Variants in FEZ1 observed in about 807,000 individuals in gnomAD.
FEZ1 encodes fasciculation and elongation protein zeta 1.
FEZ1 carries 20 observed loss-of-function variants against 49.3 expected under a neutral mutation model. The ratio of observed to expected loss-of-function variants is 0.41; its 90% CI spans 0.29 to 0.59. The LOEUF is 0.59. Ranked by LOEUF, FEZ1 falls within the 20% of genes least tolerant of loss-of-function variation. The pLI is 0.36. For synonymous variants in FEZ1, 170 were observed against 180.9 expected (o/e 0.94, Z 0.48); for missense variants, 413 against 476.0 (o/e 0.87, Z 1.23).
At chr11:125,471,686 T>C (rs572257186) in intron 3 of FEZ1, among the ~76,000 whole-genome samples, 2 of 152,226 alleles carry the variant, frequency 1.3e-5, no homozygotes, top group South Asian at 2.1e-4. Flanking sequence ...TTAATAAACC[T>C]TTCTCATTAA....
rs866342920 is a variant in FEZ1 at position 125,444,953 on chromosome 11, G to A, written c.*1142C>T. On this transcript the variant is annotated 3_prime_UTR_variant, in exon 10 of 10. Coordinates refer to ENST00000278919, the MANE Select transcript of FEZ1 (RefSeq NM_005103.5). ...CAGTGCAGGCTACAGCAAGTGCCCA[G>A]TACAAGTTTTTGCTTTCAGAGGAGG... Among the ~76,000 whole-genome samples, 6 of 152,234 alleles carry A rather than the reference G, an allele frequency of 3.9e-5. No homozygotes were observed. The highest frequency in any genetic ancestry group is 6.5e-5 in the Admixed American group (1 of 15,288).
At position 125,478,637 on chromosome 11, in the gene FEZ1, T is replaced by C. The variant is rs374618734; in HGVS notation, c.411+2897A>G. On this transcript the variant is annotated intron_variant, in intron 3 of 9. Coordinates refer to ENST00000278919, the MANE Select transcript of FEZ1 (RefSeq NM_005103.5). Reference sequence around the variant, plus strand: ...CAGTTAATAGAGCTCCTACTGTAATTAATCCAGATAATAAAAGAGGATGAA... The same window carrying C: ...CAGTTAATAGAGCTCCTACTGTAATCAATCCAGATAATAAAAGAGGATGAA... 4.6e-5 allele frequency among the ~76,000 whole-genome samples: 7 copies of C among 152,312 alleles called. No homozygotes were observed. In the South Asian group the frequency reaches 1.5e-3, roughly 32 times the overall value.
intron 1 of FEZ1, among the ~76,000 whole-genome samples, chr11:125,492,621 T>C (rs1038015838): frequency 7.2e-5 from 11 of 152,254 alleles, no homozygotes; most frequent in Non-Finnish European, 1.6e-4. Flanking sequence ...GTCCTGGTCC[T>C]GTCACTCCTA....
intron 5 of FEZ1, among the ~76,000 whole-genome samples, chr11:125,459,001 G>A (rs1957046026): frequency 6.6e-6 from 1 of 152,146 alleles, no homozygotes; most frequent in East Asian, 1.9e-4. Context: ...GGGAGGCGGA[G>A]GTTGCAGTGA....
rs142506500 is a variant in FEZ1, at chr11:125,444,054, C to A, written c.*2041G>T. Among the ~76,000 whole-genome samples, 1 of 152,336 alleles carries A rather than the reference C, an allele frequency of 6.6e-6. No homozygotes were observed. Among genetic ancestry groups the A allele is most frequent in the East Asian group, 1.9e-4 (1 of 5,184 alleles). Reference sequence around the variant, plus strand: ...TAAACATGCTAATGACCTCACACCACTAATGACCCTGGGCATGTTCAGCCT... The same window carrying A: ...TAAACATGCTAATGACCTCACACCAATAATGACCCTGGGCATGTTCAGCCT... On this transcript the variant is annotated 3_prime_UTR_variant, in exon 10 of 10. Transcript: ENST00000278919.
chr11:125,493,554 G>GAAA (rs1217363482), intron 1 of FEZ1, among the ~76,000 whole-genome samples: 2 of 148,356 alleles, frequency 1.3e-5, no homozygotes, highest in Non-Finnish European at 3.0e-5. Context: ...AAGAAAGAAA[G>GAAA]GTGATGTGGG....
chr11:125,457,442 ATATATATATG>A (rs1443334418), intron 5 of FEZ1, among the ~76,000 whole-genome samples: 1 of 72,288 alleles, frequency 1.4e-5, no homozygotes, highest in Non-Finnish European at 2.8e-5. Flanking sequence ...ATATATATAT[ATATATATATG>A]TATATATACA....
At chr11:125,481,708 G>A (rs973080558) in intron 2 of FEZ1, 75 bp from the exon 3 acceptor site, 56 of 1,020,472 alleles carry the variant, frequency 5.5e-5, no homozygotes, top group Middle Eastern at 2.8e-4. Flanking sequence ...GAGCTGGGCC[G>A]GGAGAGGAGA....
chr11:125,477,645 A>T (rs1035283065), intron 3 of FEZ1, among the ~76,000 whole-genome samples: 6 of 152,142 alleles, frequency 3.9e-5, no homozygotes, highest in Admixed American at 3.9e-4. Context: ...TTCCTTAGTC[A>T]TCCCAGAGTC....
chr11:125,489,878 A>G lies in FEZ1; in HGVS notation c.-45-56T>C. 1 of 1,393,380 alleles carries G rather than the reference A, an allele frequency of 7.2e-7. No individual in the cohort carries two copies. The highest frequency in any genetic ancestry group is 9.4e-7 in the Non-Finnish European group (1 of 1,065,418). 86.3% of individuals were successfully genotyped at this position (1,393,380 alleles called of 1,614,324 possible). A position where few individuals can be genotyped will look rare whatever the true frequency, so the allele number is the denominator to read the frequency against. On this transcript the variant is annotated intron_variant, in intron 1 of 9. Transcript: ENST00000278919. The surrounding 1 kb of genome is among the most constrained non-coding windows in gnomAD (Gnocchi z 4.2). ...TAGACCAGGCTAATCTAAATAATAG[A>G]GTTAACTTTAGAGACACACCTGCTT...
chr11:125,473,059 A>G (rs991762218), intron 3 of FEZ1, among the ~76,000 whole-genome samples: 7 of 152,190 alleles, frequency 4.6e-5, no homozygotes, highest in African/African-American at 1.7e-4. Context: ...AAAGAAAAAA[A>G]AAGGACACAG....
intron 3 of FEZ1, among the ~76,000 whole-genome samples, chr11:125,465,098 A>G (rs1212289468): frequency 6.6e-6 from 1 of 152,242 alleles, no homozygotes; most frequent in African/African-American, 2.4e-5. Context: ...AAATGTATCA[A>G]TATGAACCCA....
chr11:125,495,446 G>A lies in FEZ1; in HGVS notation c.-46+675C>T, dbSNP rs1167615090. The A allele has an allele frequency of 2.1e-6, 1 of 470,296 alleles. No homozygotes were observed. Among genetic ancestry groups the A allele is most frequent in the Admixed American group, 2.4e-5 (1 of 42,524 alleles). The allele number at this position is 470,296 out of a possible 1,614,324, so 29.1% of individuals were successfully genotyped here. A position where few individuals can be genotyped will look rare whatever the true frequency, so the allele number is the denominator to read the frequency against. Reference sequence around the variant, plus strand: ...TCCAGAGCCCGGGGCCCACCCGACGGCAGCGCGCCCCGCCACCGCGCAGCC... The same window carrying A: ...TCCAGAGCCCGGGGCCCACCCGACGACAGCGCGCCCCGCCACCGCGCAGCC... On this transcript the variant is annotated intron_variant, in intron 1 of 9. Coordinates refer to ENST00000278919, the MANE Select transcript of FEZ1 (RefSeq NM_005103.5). The surrounding 1 kb of genome is among the most constrained non-coding windows in gnomAD (Gnocchi z 4.2).
At chr11:125,493,226 T>A (rs1023995533) in intron 1 of FEZ1, among the ~76,000 whole-genome samples, 2 of 148,926 alleles carry the variant, frequency 1.3e-5, no homozygotes, top group African/African-American at 5.0e-5. Flanking sequence ...CCCAGCTACT[T>A]GGGAGGCTGA....
At chr11:125,481,825 G>A (rs1957282089) in intron 2 of FEZ1, 192 bp from the exon 3 acceptor site, 1 of 595,816 alleles carries the variant, frequency 1.7e-6, no homozygotes, top group Non-Finnish European at 3.0e-6. Context: ...AGTGCATGGA[G>A]CTTGGCCAGG....
intron 1 of FEZ1, among the ~76,000 whole-genome samples, chr11:125,491,261 C>G (rs544072590): frequency 6.6e-6 from 1 of 152,298 alleles, no homozygotes; most frequent in East Asian, 1.9e-4. Flanking sequence ...GACCTCTACC[C>G]CTCATCGGGC....
At chr11:125,448,690 A>G in intron 8 of FEZ1, 123 bp from the exon 9 acceptor site, 2 of 692,104 alleles carry the variant, frequency 2.9e-6, no homozygotes, top group East Asian at 2.6e-5. Context: ...ACATTTATTG[A>G]GTATTGAGCA....
chr11:125,455,175 G>C (rs1182257621), intron 6 of FEZ1, among the ~76,000 whole-genome samples: 1 of 151,946 alleles, frequency 6.6e-6, no homozygotes, highest in Admixed American at 6.6e-5. Flanking sequence ...CAAATCACCT[G>C]AGATCAGGAG....
intron 1 of FEZ1, among the ~76,000 whole-genome samples, chr11:125,493,334 C>CAAGAAAGAAAGAAAGA (rs201528813): frequency 3.1e-5 from 3 of 95,786 alleles, no homozygotes; most frequent in African/African-American, 1.4e-4. Flanking sequence ...AACTCCATCT[C>CAAGAAAGAAAGAAAGA]AAGAAAGAAA....
Sources: gnomAD v4.1 joint callset for allele counts (sites outside exome capture counted in the v4.1 genomes callset) on GRCh38, gnomAD v4.1.1 for gene constraint, Gnocchi (gnomAD v3.1) non-coding constraint, MANE v1.5 for transcripts, NCBI Gene and HGNC (gene_info 2026-07-23, HGNC 2026-07-21) for gene names.